The following CRTC2 variants were observed in gnomAD, a reference collection of about 807,000 sequenced individuals.
CRTC2 encodes the protein CREB-regulated transcription coactivator 2.
In CRTC2, 25 loss-of-function variants were observed where a neutral mutation model predicts 70.9. The ratio of observed to expected loss-of-function variants is 0.35; its 90% CI spans 0.26 to 0.49. The LOEUF (loss-of-function observed/expected upper bound fraction) is 0.49, where lower values mean the gene tolerates loss of function less well. CRTC2 is among the 20% of genes least tolerant of loss of function. The pLI, the probability that CRTC2 is intolerant of heterozygous loss-of-function variation, is 0.98. For synonymous variants in CRTC2, 330 were observed against 364.1 expected (o/e 0.91, Z 1.07); for missense variants, 737 against 882.6 (o/e 0.83, Z 2.09).
Position 153,956,048 on chromosome 1 carries a change from C to T in CRTC2, c.154-882G>A, listed in dbSNP as rs563358348. Among the ~76,000 whole-genome samples, 4 of 152,332 alleles carry T rather than the reference C, an allele frequency of 2.6e-5. No homozygotes were observed. In the East Asian group the frequency reaches 7.7e-4, roughly 29 times the overall value. ...GGTGGATGTCACAGAGCCATTACTG[C>T]CAGCCTCTTTCCTTCCCACTCTGGA... On this transcript the variant is annotated intron_variant, in intron 1 of 13. Coordinates refer to ENST00000368633, the MANE Select transcript of CRTC2 (RefSeq NM_181715.3).
At chr1:153,953,646 A>G in intron 4 of CRTC2, 40 bp from the exon 5 acceptor site, 1 of 1,493,514 alleles carries the variant, frequency 6.7e-7, no homozygotes, top group Non-Finnish European at 9.2e-7. Context: ...GAAGGCTGGC[A>G]GTGGACAAGA....
Position 153,958,510 on chromosome 1 carries a change from T to C in CRTC2, c.-13A>G, listed in dbSNP as rs1386793022. On this transcript the variant is annotated 5_prime_UTR_variant, in exon 1 of 14. Transcript: ENST00000368633. Reference sequence around the variant, plus strand: ...CCGACGTCGCCATCTTCCTTCCCCGTCCCTCCCTGCCACCCTCCCAGTACC... The same window carrying C: ...CCGACGTCGCCATCTTCCTTCCCCGCCCCTCCCTGCCACCCTCCCAGTACC... The C allele has an allele frequency of 1.2e-6, 2 of 1,602,092 alleles. No homozygotes were observed. Among genetic ancestry groups the C allele is most frequent in the South Asian group, 1.1e-5 (1 of 90,428 alleles).
Position 153,949,105 on chromosome 1 carries a change from G to A in CRTC2, c.1674+10C>T, listed in dbSNP as rs754152872. 2.5e-6 allele frequency: 4 copies of A among 1,602,600 alleles called. No individual in the cohort carries two copies. Among genetic ancestry groups the A allele is most frequent in the Non-Finnish European group, 3.4e-6 (4 of 1,173,628 alleles). ...TCCCCTGCTTTTGAGCAAGGAGCCT[G>A]AGTACTCACATTCCCCAGGTTGAAG... On this transcript the variant is annotated intron_variant, in intron 12 of 13. Transcript: ENST00000368633.
chr1:153,958,485 C>G lies in CRTC2; in HGVS notation c.13G>C (p.Gly5Arg). 1.2e-6 allele frequency: 2 copies of G among 1,609,854 alleles called. No individual in the cohort carries two copies. Among genetic ancestry groups the G allele is most frequent in the Non-Finnish European group, 1.7e-6 (2 of 1,177,290 alleles). Residue 5 changes from glycine to arginine, a missense_variant, in exon 1 of 14, where the codon GGG (glycine) becomes CGG (arginine). Gly to Arg is a moderately radical substitution (Grantham distance 125). Transcript: ENST00000368633. Reference protein sequence around the residue: MATSGANGPGSATAS... With the variant: MATSRANGPGSATAS... ...GTGGCCGAACCAGGCCCGTTCGCCC[C>G]CGACGTCGCCATCTTCCTTCCCCGT...
intron 1 of CRTC2, 60 bp from the exon 2 acceptor site, chr1:153,955,226 C>T (rs900644781): frequency 8.0e-7 from 1 of 1,245,426 alleles, no homozygotes; most frequent in Non-Finnish European, 1.2e-6. Context: ...TTCCTTCAGC[C>T]ATCCTTGCCA....
chr1:153,954,265 T>C lies in CRTC2; in HGVS notation c.424A>G (p.Ser142Gly), dbSNP rs759778106. The C allele has an allele frequency of 1.1e-5, 17 of 1,612,226 alleles. No individual in the cohort carries two copies. The South Asian group carries it at 1.5e-4, about 15-fold the overall frequency. ...GCCCTGGACACTTACCTTCGCCAGC[T>C]AGACTCTGGGGGAGGAGATAAGTAG... ...PAYLSPPPES[S>G]WRRTMAWGNF... Residue 142 changes from serine to glycine, a missense_variant, in exon 4 of 14, where the codon AGC becomes GGC. By Grantham distance (56) the Ser-to-Gly change is moderately conservative. This residue lies in a region of CRTC2 where 699 missense variants were observed against 823.7 expected (regional missense o/e 0.85). Coordinates refer to ENST00000368633, the MANE Select transcript of CRTC2 (RefSeq NM_181715.3).
intron 6 of CRTC2, 173 bp downstream of exon 6, chr1:153,953,093 G>C (rs1343485023): frequency 3.3e-6 from 2 of 605,148 alleles, no homozygotes; most frequent in Non-Finnish European, 5.8e-6. Context: ...TGAGGCAGGA[G>C]AATCGCTTGA....
chr1:153,952,446 G>A lies in CRTC2; in HGVS notation c.703C>T (p.Leu235=). The change falls in exon 9 of 14, where the codon CTA becomes TTA. Residue 235 remains leucine (L), a splice_region_variant and synonymous_variant. Transcript: ENST00000368633. ...CGAGGTCGGGAAGAGGATGAGGATAGCTGAGGAGAGAAGGGAGAATATGGA... is the reference window on the plus strand; with the variant it reads ...CGAGGTCGGGAAGAGGATGAGGATAACTGAGGAGAGAAGGGAGAATATGGA... ...HLLKPWDAKK[L]SSSSSRPRSC... The A allele has an allele frequency of 6.2e-7, 1 of 1,614,178 alleles. No homozygotes were observed. The highest frequency in any genetic ancestry group is 8.5e-7 in the Non-Finnish European group (1 of 1,180,008).
intron 1 of CRTC2, among the ~76,000 whole-genome samples, chr1:153,955,733 A>C (rs1310470932): frequency 6.6e-6 from 1 of 151,652 alleles, no homozygotes; most frequent in Non-Finnish European, 1.5e-5. Flanking sequence ...CAGAAAAAAA[A>C]GGCCAGTGTT....
chr1:153,951,254 G>A lies in CRTC2; in HGVS notation c.1404+6C>T, dbSNP rs750085190. The A allele has an allele frequency of 6.8e-6, 11 of 1,613,238 alleles. No individual in the cohort carries two copies. The highest frequency in any genetic ancestry group is 3.3e-4 in the Middle Eastern group (2 of 6,084). On this transcript the variant is annotated splice_donor_region_variant and intron_variant, in intron 11 of 13. Coordinates refer to ENST00000368633, the MANE Select transcript of CRTC2 (RefSeq NM_181715.3). ...ACAGACATGCAGGGAAGGCAGCCAC[G>A]CATACCTGAGTGATGGAAGACAAGG...
At chr1:153,954,056 C>T (rs1680493663) in intron 4 of CRTC2, among the ~76,000 whole-genome samples, 199 bp downstream of exon 4, 1 of 152,164 alleles carries the variant, frequency 6.6e-6, no homozygotes, top group Admixed American at 6.5e-5. Context: ...GGAGGCTTGA[C>T]CACTAGTGTC....
Position 153,958,604 on chromosome 1 carries a change from C to G in CRTC2, c.-107G>C. 1 of 1,194,338 alleles carries G rather than the reference C, an allele frequency of 8.4e-7. No homozygotes were observed. The highest frequency in any genetic ancestry group is 1.6e-5 in the South Asian group (1 of 64,242). The allele number at this position is 1,194,338 out of a possible 1,614,324, so 74.0% of individuals were successfully genotyped here. A position where few individuals can be genotyped will look rare whatever the true frequency, so the allele number is the denominator to read the frequency against. ...TAGCCACCGCCGCCTCAGCGAGCAC[C>G]GCGAACCCGGCCCCAGCCTAGCCCT... On this transcript the variant is annotated 5_prime_UTR_variant, in exon 1 of 14. Coordinates refer to ENST00000368633, the MANE Select transcript of CRTC2 (RefSeq NM_181715.3).
chr1:153,954,612 G>C (rs551467593), intron 3 of CRTC2, among the ~76,000 whole-genome samples: 1 of 152,348 alleles, frequency 6.6e-6, no homozygotes, highest in South Asian at 2.1e-4. Context: ...CAGGAGACAA[G>C]GAAGGCTTGC....
At chr1:153,955,599 G>C (rs1680581190) in intron 1 of CRTC2, among the ~76,000 whole-genome samples, 1 of 136,430 alleles carries the variant, frequency 7.3e-6, no homozygotes, top group African/African-American at 2.7e-5. Context: ...GATCACTTCA[G>C]CCCAGGAAGT....
chr1:153,958,086 C>T (rs1462533601), intron 1 of CRTC2: 3 of 1,368,936 alleles, frequency 2.2e-6, no homozygotes, highest in South Asian at 3.1e-5. Flanking sequence ...GACTTCATCT[C>T]CCCTCTCCGC....
chr1:153,951,116 T>G (rs1212734202), intron 11 of CRTC2, 144 bp downstream of exon 11: 1 of 929,614 alleles, frequency 1.1e-6, no homozygotes, highest in Non-Finnish European at 1.6e-6. Context: ...ACAAGATGGA[T>G]AAAAGATGGG....
At chr1:153,954,404 G>T (rs1680514457) in intron 3 of CRTC2, 88 bp from the exon 4 acceptor site, 2 of 918,340 alleles carry the variant, frequency 2.2e-6, no homozygotes, top group Non-Finnish European at 3.5e-6. Context: ...CAGATAAGTT[G>T]TTTCAAGAAA....
At chr1:153,952,898 T>G in intron 6 of CRTC2, 64 bp from the exon 7 acceptor site, 11 of 1,591,376 alleles carry the variant, frequency 6.9e-6, no homozygotes, top group Middle Eastern at 1.7e-4. Flanking sequence ...AATAGCTCCA[T>G]GGAGGCCGGG....
chr1:153,953,468 G>A (rs866845657), intron 5 of CRTC2, 70 bp downstream of exon 5: 2 of 1,531,204 alleles, frequency 1.3e-6, no homozygotes, highest in Non-Finnish European at 9.0e-7. Flanking sequence ...GGAACAGGGT[G>A]GGGGTGAGGG....
Sources: allele counts gnomAD v4.1 joint callset (sites outside exome capture counted in the v4.1 genomes callset), GRCh38; gene constraint gnomAD v4.1.1; regional missense constraint gnomAD v4.1.1; transcripts MANE v1.5; gene names NCBI Gene and HGNC (gene_info 2026-07-23, HGNC 2026-07-21).